The following ZNF536 variants were observed in gnomAD, a reference collection of about 807,000 sequenced individuals.
The protein encoded by ZNF536 is zinc finger protein 536.
Under a neutral mutation model 84.5 loss-of-function variants are expected in ZNF536, and 13 were observed. The ratio of observed to expected loss-of-function variants is 0.15; its 90% CI spans 0.10 to 0.24. The LOEUF (loss-of-function observed/expected upper bound fraction) is 0.24. Among genes scored for constraint, ZNF536 ranks in the 10% least tolerant of loss-of-function variants. The pLI, the probability that ZNF536 is intolerant of heterozygous loss-of-function variation, is 1.00. For synonymous variants in ZNF536, 811 were observed against 742.5 expected (o/e 1.09, Z -1.50); for missense variants, 1,536 against 1,747.5 (o/e 0.88, Z 2.16).
intron 4 of ZNF536, among the ~76,000 whole-genome samples, chr19:30,553,515 G>A (rs781250464): frequency 6.6e-6 from 1 of 152,236 alleles, no homozygotes; most frequent in Non-Finnish European, 1.5e-5. Flanking sequence ...GCTTTGCACT[G>A]TGTCCTTTGG....
intron 1 of ZNF536, among the ~76,000 whole-genome samples, chr19:30,379,725 A>G (rs1048273769): frequency 9.2e-5 from 14 of 151,706 alleles, no homozygotes; most frequent in Non-Finnish European, 2.1e-4. Flanking sequence ...AAGGGAAGAG[A>G]TGCCATAGGT....
At chr19:30,375,350 C>G (rs1195636401) in intron 1 of ZNF536, among the ~76,000 whole-genome samples, 2 of 151,964 alleles carry the variant, frequency 1.3e-5, no homozygotes, top group Non-Finnish European at 2.9e-5. Context: ...GCCGTCACCG[C>G]GCCGGAGACA....
intron 1 of ZNF536, among the ~76,000 whole-genome samples, chr19:30,422,856 A>G (rs868841993): frequency 1.9e-4 from 23 of 119,510 alleles, no homozygotes; most frequent in African/African-American, 7.4e-4. Flanking sequence ...CATCCATCCA[A>G]CCATCCATCC....
At chr19:30,312,669 G>C (rs1042641676) in intron 2 of ZNF536, among the ~76,000 whole-genome samples, 10 of 152,200 alleles carry the variant, frequency 6.6e-5, no homozygotes, top group Non-Finnish European at 1.3e-4. Flanking sequence ...CCATCTGAAG[G>C]AGGGTGTGGA....
intron 2 of ZNF536, among the ~76,000 whole-genome samples, chr19:30,309,987 C>T (rs144614697): frequency 1.2e-4 from 18 of 152,044 alleles, no homozygotes; most frequent in African/African-American, 3.9e-4. Flanking sequence ...GTAGGCGTGG[C>T]GTGGAATGAA....
intron 1 of ZNF536, among the ~76,000 whole-genome samples, chr19:30,642,911 GTGTC>G (rs1426491598): frequency 3.3e-5 from 5 of 152,164 alleles, no homozygotes; most frequent in African/African-American, 1.2e-4. Context: ...CACAACTGAG[GTGTC>G]TGTCTAACAA....
intron 1 of ZNF536, among the ~76,000 whole-genome samples, chr19:30,595,714 C>G (rs2047439725): frequency 6.6e-6 from 1 of 152,218 alleles, no homozygotes; most frequent in South Asian, 2.1e-4. Context: ...AAGACCCCAA[C>G]TCTGTAGGGG....
chr19:30,419,266 C>T (rs1451897023), intron 1 of ZNF536, among the ~76,000 whole-genome samples: 1 of 152,174 alleles, frequency 6.6e-6, no homozygotes, highest in East Asian at 1.9e-4. Flanking sequence ...CATTCCCTTA[C>T]TCTTGAACAT....
chr19:30,423,958 A>T (rs972063493), intron 1 of ZNF536, among the ~76,000 whole-genome samples: 2 of 151,966 alleles, frequency 1.3e-5, no homozygotes, highest in South Asian at 4.2e-4. Flanking sequence ...AAAAAAAGAC[A>T]GGGGGCAAGT....
intron 1 of ZNF536, among the ~76,000 whole-genome samples, chr19:30,266,264 G>T (rs537754309): frequency 6.6e-6 from 1 of 151,976 alleles, no homozygotes; most frequent in East Asian, 1.9e-4. Context: ...TGCCCAGGTT[G>T]GTCTCAAACT....
intron 1 of ZNF536, among the ~76,000 whole-genome samples, chr19:30,425,016 G>C (rs1260040019): frequency 6.6e-6 from 1 of 152,098 alleles, no homozygotes; most frequent in Non-Finnish European, 1.5e-5. Context: ...ATTTAAATGA[G>C]TTTGGTAGAA....
intron 1 of ZNF536, among the ~76,000 whole-genome samples, chr19:30,274,826 C>A (rs377681302): frequency 2.9e-4 from 44 of 152,338 alleles, no homozygotes; most frequent in African/African-American, 1.0e-3. Context: ...GAAAACAACT[C>A]TCCAGTTTCC....
intron 2 of ZNF536, among the ~76,000 whole-genome samples, chr19:30,347,984 C>T (rs1157066910): frequency 6.6e-6 from 1 of 152,206 alleles, no homozygotes; most frequent in Non-Finnish European, 1.5e-5. Context: ...GCTGGAGACG[C>T]CCATGTGTGT....
intron 1 of ZNF536, among the ~76,000 whole-genome samples, chr19:30,389,146 C>T (rs1030852271): frequency 6.6e-6 from 1 of 152,204 alleles, no homozygotes; most frequent in Non-Finnish European, 1.5e-5. Context: ...GTGAGTTCAC[C>T]CAGTCCGCAC....
In ZNF536 at chr19:30,664,659, C is replaced by G. The variant is rs989220191; in HGVS notation, c.170-46098C>G. Among the ~76,000 whole-genome samples, 3 of 151,840 alleles carry G rather than the reference C, an allele frequency of 2.0e-5. No individual in the cohort carries two copies. The East Asian group carries it at 5.8e-4, about 29-fold the overall frequency. On this transcript the variant is annotated intron_variant, in intron 1 of 1. Transcript: ENST00000592773. ...TCCCTGGCACGTAGTACCATTTATG[C>G]GATTGTTTTTGTTTTTAATTGGATA... is the stretch of plus-strand genomic sequence containing the variant.
At chr19:30,488,606 T>G (rs2054386229) in intron 2 of ZNF536, among the ~76,000 whole-genome samples, 1 of 151,250 alleles carries the variant, frequency 6.6e-6, no homozygotes, top group Non-Finnish European at 1.5e-5. Flanking sequence ...CAGACTCTTC[T>G]GAGCATCGAA....
rs775229281 is a variant in ZNF536 at position 30,549,206 on chromosome 19, C to G, written c.3587C>G (p.Ala1196Gly). The change falls in exon 4 of 5, where the codon GCC (alanine) becomes GGC (glycine). Residue 1196 changes from alanine to glycine, a missense_variant. By Grantham distance (60) the Ala-to-Gly change is moderately conservative. Transcript: ENST00000355537. ...GAAATGATGACCAAGCCACTGTCTG[C>G]CCTCAGCAAAGACAGCAGCAGCGAT... ...EPEMMTKPLS[A>G]LSKDSSSDGG... The G allele has an allele frequency of 6.2e-7, 1 of 1,614,114 alleles. No homozygotes were observed.
At chr19:30,412,106 C>T (rs578022498) in intron 1 of ZNF536, among the ~76,000 whole-genome samples, 78 of 151,906 alleles carry the variant, frequency 5.1e-4, no homozygotes, top group East Asian at 1.2e-3. Context: ...CATTTTACTA[C>T]GATTTATTAG....
intron 2 of ZNF536, among the ~76,000 whole-genome samples, chr19:30,317,993 G>A (rs529349028): frequency 6.6e-6 from 1 of 152,296 alleles, no homozygotes; most frequent in East Asian, 1.9e-4. Flanking sequence ...GAGTGCTTGA[G>A]GTAAGAAATG....
Sources: gnomAD v4.1 joint callset for allele counts (sites outside exome capture counted in the v4.1 genomes callset) on GRCh38, gnomAD v4.1.1 for gene constraint, MANE v1.5 for transcripts, NCBI Gene and HGNC (gene_info 2026-07-23, HGNC 2026-07-21) for gene names.